The following RHPN1 variants were observed in gnomAD, a reference collection of about 807,000 sequenced individuals.
RHPN1 encodes the protein rhophilin Rho GTPase binding protein 1.
Under a neutral mutation model 74.7 loss-of-function variants are expected in RHPN1, and 77 were observed. The observed-to-expected ratio is 1.03, with a 90% CI of 0.86 to 1.25. The LOEUF (loss-of-function observed/expected upper bound fraction) is 1.25, where lower values mean the gene tolerates loss of function less well. Among genes scored for constraint, RHPN1 ranks in the 50% most tolerant of loss-of-function variants. The pLI is 0.00. For missense variants in RHPN1, 987 were observed against 932.2 expected (o/e 1.06, Z -0.77); for synonymous variants, 444 against 414.5 (o/e 1.07, Z -0.87).
chr8:143,379,238 G>A, intron 7 of RHPN1, 77 bp from the exon 8 acceptor site: 1 of 1,439,944 alleles, frequency 6.9e-7, no homozygotes, highest in Non-Finnish European at 9.2e-7. Flanking sequence ...ATCCCTAGCT[G>A]GCCGCCCTGA....
chr8:143,376,798 ATGTCTGTGCGCGTGTGTCTGTGTGCATG>A (rs1260448738), intron 3 of RHPN1, 145 bp downstream of exon 3: 1 of 944,070 alleles, frequency 1.1e-6, no homozygotes, highest in African/African-American at 1.9e-5. Flanking sequence ...GTGTGCATGC[ATGTCTGTGCGCGTGTGTCTGTGTGCATG>A]TGTCTGTGCA....
chr8:143,365,122 C>T (rs1449397627), upstream of RHPN1, among the ~76,000 whole-genome samples: 1 of 152,150 alleles, frequency 6.6e-6, no homozygotes, highest in Non-Finnish European at 1.5e-5. Context: ...TTTAGCCAGT[C>T]CCCCAAAGCC....
At chr8:143,376,185 G>A (rs1818205200) in intron 2 of RHPN1, among the ~76,000 whole-genome samples, 1 of 152,262 alleles carries the variant, frequency 6.6e-6, no homozygotes, top group Non-Finnish European at 1.5e-5. Context: ...ACAGAGAGGT[G>A]TGTGGCTCTC....
Position 143,377,423 on chromosome 8 carries a change from A to T in RHPN1, c.349A>T (p.Thr117Ser). 6.2e-7 allele frequency: 1 copy of T among 1,613,396 alleles called. No homozygotes were observed. Among genetic ancestry groups the T allele is most frequent in the Non-Finnish European group, 8.5e-7 (1 of 1,179,542 alleles). ...CATGATCCCCCTGGGCCTGAAGGAG[A>T]CCAAGGAGCTGGACTGGTCTACACC... ...VPMIPLGLKE[T>S]KELDWSTPLK... Residue 117 changes from threonine (T) to serine (S), a missense_variant, in exon 4 of 15, where the codon ACC becomes TCC. By Grantham distance (58) the Thr-to-Ser change is moderately conservative. Transcript: ENST00000289013.
intron 14 of RHPN1, 51 bp from the exon 15 acceptor site, chr8:143,382,385 G>A: frequency 2.0e-6 from 3 of 1,484,728 alleles, no homozygotes; most frequent in Admixed American, 2.0e-5. Flanking sequence ...GGCTGCAGGT[G>A]GGGACAGGCC....
At chr8:143,365,752 C>T (rs922521579), upstream of RHPN1, among the ~76,000 whole-genome samples, 4 of 152,226 alleles carry the variant, frequency 2.6e-5, no homozygotes, top group South Asian at 8.3e-4. Flanking sequence ...AATCCCAGCA[C>T]TTTGGGAGGC....
chr8:143,376,435 G>T, intron 2 of RHPN1, 90 bp from the exon 3 acceptor site: 1 of 1,550,882 alleles, frequency 6.4e-7, no homozygotes, highest in South Asian at 1.2e-5. Flanking sequence ...TTGGAGCTTT[G>T]ACAGGTCAGC....
In RHPN1 at chr8:143,381,809, G is replaced by A. The variant is rs373178132; in HGVS notation, c.1638G>A (p.Ala546=). The change falls in exon 14 of 15, where the codon GCG becomes GCA. Residue 546 remains alanine, a splice_region_variant and synonymous_variant. Transcript: ENST00000289013. ...AAVIPGSQAA[A]AGLKEGDYIV... ...TCACCGTCCAAGTCTCCCCACAGGC[G>A]GCTGGCCTGAAGGAGGGCGACTACA... The A allele has an allele frequency of 1.4e-5, 22 of 1,612,194 alleles. No individual in the cohort carries two copies. The highest frequency in any genetic ancestry group is 1.2e-4 in the South Asian group (11 of 90,868).
At chr8:143,377,257 C>T (rs376221690) in intron 3 of RHPN1, 123 bp from the exon 4 acceptor site, 33 of 691,582 alleles carry the variant, frequency 4.8e-5, no homozygotes, top group South Asian at 2.7e-4. Flanking sequence ...AGGACACAGG[C>T]GCACGTGCAC....
rs1818414040 is a variant in RHPN1, at chr8:143,378,196, G to A, written c.382-73G>A. 3 of 1,249,156 alleles carry A rather than the reference G, an allele frequency of 2.4e-6. No individual in the cohort carries two copies. In the Admixed American group the frequency reaches 6.0e-5, roughly 25 times the overall value. 77.4% of individuals were successfully genotyped at this position (1,249,156 alleles called of 1,614,324 possible). ...CCTCCACCATGAGTCTTTTCCCAAG[G>A]TGGGTTGGGAGACCTCAGGGAAGGA... On this transcript the variant is annotated intron_variant, in intron 4 of 14. Transcript: ENST00000289013.
rs374526269 is a variant in RHPN1 at position 143,375,694 on chromosome 8, C to T, written c.176+26C>T. ...GTCAGTGCTTGAGACTGCCCGGCCC[C>T]GGGAGCAGGGCCCACCTGGGTGAGG... On this transcript the variant is annotated intron_variant, in intron 2 of 14. Transcript: ENST00000289013. 702 of 1,557,398 alleles carry T rather than the reference C, an allele frequency of 4.5e-4. 3 individuals are homozygous for T. The highest frequency in any genetic ancestry group is 5.6e-4 in the Non-Finnish European group (635 of 1,143,626).
intron 1 of RHPN1, among the ~76,000 whole-genome samples, chr8:143,375,220 C>G (rs1349128289): frequency 1.3e-5 from 2 of 152,018 alleles, no homozygotes; most frequent in African/African-American, 4.8e-5. Context: ...TGCAGGGCTC[C>G]CGGAGCCCCT....
intron 2 of RHPN1, among the ~76,000 whole-genome samples, chr8:143,376,231 G>A (rs908773537): frequency 1.3e-5 from 2 of 152,234 alleles, no homozygotes; most frequent in East Asian, 1.9e-4. Context: ...GAGTGCTGTC[G>A]AGGGCTGTAT....
In RHPN1 at chr8:143,381,969, G is replaced by A. The variant is rs1467900125; in HGVS notation, c.1797+1G>A. ...GCCCAGCTCTAGACTGCCCAGCTTG[G>A]TGAGCCCCTGGGGCCCCAGAGGGGC... On this transcript the variant is annotated splice_donor_variant, in intron 14 of 14. Coordinates refer to ENST00000289013, the MANE Select transcript of RHPN1 (RefSeq NM_052924.3). LOFTEE classifies it high-confidence loss of function. 1.9e-6 allele frequency: 3 copies of A among 1,582,402 alleles called. No homozygotes were observed. Among genetic ancestry groups the A allele is most frequent in the Admixed American group, 1.7e-5 (1 of 57,400 alleles).
chr8:143,378,356 T>TCCCCCACCCCC lies in RHPN1; in HGVS notation c.459+15_459+16insACCCCCCCCCC. 1 of 1,525,438 alleles carries TCCCCCACCCCC rather than the reference T, an allele frequency of 6.6e-7. No individual in the cohort carries two copies. The highest frequency in any genetic ancestry group is 1.2e-5 in the South Asian group (1 of 83,568). 94.5% of individuals were successfully genotyped at this position (1,525,438 alleles called of 1,614,324 possible). On this transcript the variant is annotated intron_variant, in intron 5 of 14. Transcript: ENST00000289013. The stretch of plus-strand genomic sequence containing the variant: ...GGAGGCCCTGCGGCAGGTGTGTGGT[T>TCCCCCACCCCC]CCCCCGCCCACCCACCCTCCTGCAG...
Position 143,382,451 on chromosome 8 carries a change from G to T in RHPN1, c.1813G>T (p.Val605Phe). The T allele has an allele frequency of 2.5e-6, 4 of 1,574,884 alleles. No homozygotes were observed. The highest frequency in any genetic ancestry group is 2.3e-5 in the East Asian group (1 of 42,620). ...CCTGCTGCAGGGGGACCGCCGGCCCGTCCTGCTGGGCCCCAGGGGGCTTCT... is the reference window on the plus strand; with the variant it reads ...CCTGCTGCAGGGGGACCGCCGGCCCTTCCTGCTGGGCCCCAGGGGGCTTCT... ...RLPSLGDRRP[V>F]LLGPRGLLRS... Residue 605 changes from valine (V) to phenylalanine (F), a missense_variant, in exon 15 of 15, where the codon GTC becomes TTC. Transcript: ENST00000289013.
At position 143,376,601 on chromosome 8, in the gene RHPN1, A is replaced by G. The variant is rs1818234520; in HGVS notation, c.253A>G (p.Lys85Glu). The G allele has an allele frequency of 1.2e-6, 2 of 1,601,678 alleles. No homozygotes were observed. The highest frequency in any genetic ancestry group is 2.2e-5 in the South Asian group (2 of 89,138). ...CGTCAACTCCAACCTGCAGCTGCTG[A>G]AGGAGGAGCTGGAGGAGCTCAGCGG... ...SYVNSNLQLL[K>E]EELEELSGGV... Residue 85 changes from lysine (K) to glutamate (E), a missense_variant, in exon 3 of 15, where the codon AAG becomes GAG. Lys to Glu is a moderately conservative substitution (Grantham distance 56). Coordinates refer to ENST00000289013, the MANE Select transcript of RHPN1 (RefSeq NM_052924.3).
chr8:143,380,135 C>A lies in RHPN1; in HGVS notation c.1176C>A (p.Gly392=). The A allele has an allele frequency of 5.2e-6, 8 of 1,549,442 alleles. No homozygotes were observed. Among genetic ancestry groups the A allele is most frequent in the Non-Finnish European group, 7.0e-6 (8 of 1,147,758 alleles). ...CCCCCACCTCCTCTAAGCCCCGAGGCCCTGTGCTGCCGCAGGAGCTGGAGG... is the reference window on the plus strand; with the variant it reads ...CCCCCACCTCCTCTAAGCCCCGAGGACCTGTGCTGCCGCAGGAGCTGGAGG... The part of the protein sequence containing the change: ...LQPPTSSKPR[G]PVLPQELEER... The change falls in exon 10 of 15, where the codon GGC becomes GGA. Residue 392 remains glycine, a synonymous_variant. Transcript: ENST00000289013.
chr8:143,377,053 TGTGTGTGCGC>T (rs71507445), intron 3 of RHPN1, among the ~76,000 whole-genome samples: 10,939 of 51,108 alleles, frequency 0.21, 491 homozygotes, highest in Non-Finnish European at 0.35. Context: ...TGTGTGTGTC[TGTGTGTGCGC>T]GTGTGTGTGT....
Sources: allele counts gnomAD v4.1 joint callset (sites outside exome capture counted in the v4.1 genomes callset), GRCh38; gene constraint gnomAD v4.1.1; transcripts MANE v1.5; gene names NCBI Gene and HGNC (gene_info 2026-07-23, HGNC 2026-07-21).